Variants in GNPTAB observed in about 807,000 individuals in gnomAD.
The protein encoded by GNPTAB is N-acetylglucosamine-1-phosphotransferase subunits alpha/beta.
In GNPTAB, 92 loss-of-function variants were observed where a neutral mutation model predicts 136.6. The ratio of observed to expected loss-of-function variants is 0.67; its 90% CI spans 0.57 to 0.80. GNPTAB has a LOEUF of 0.80. GNPTAB is among the 30% of genes least tolerant of loss of function. The pLI, the probability that GNPTAB is intolerant of heterozygous loss-of-function variation, is 0.00. For synonymous variants in GNPTAB, 512 were observed against 535.1 expected (o/e 0.96, Z 0.60); for missense variants, 1,343 against 1,501.8 (o/e 0.89, Z 1.75).
intron 10 of GNPTAB, 38 bp downstream of exon 10, chr12:101,769,983 T>C (rs920923807): frequency 1.3e-6 from 2 of 1,596,564 alleles, no homozygotes; most frequent in African/African-American, 2.7e-5. Context: ...GCTAAGTGAC[T>C]TCCACGCTAG....
intron 15 of GNPTAB, among the ~76,000 whole-genome samples, chr12:101,760,739 G>A (rs369262994): frequency 4.6e-5 from 7 of 151,142 alleles, no homozygotes; most frequent in Non-Finnish European, 8.8e-5. Flanking sequence ...ATTAAAATAC[G>A]TAGGGGAAAA....
chr12:101,797,092 G>C (rs1041428691), intron 1 of GNPTAB, among the ~76,000 whole-genome samples: 1 of 152,214 alleles, frequency 6.6e-6, no homozygotes, highest in Non-Finnish European at 1.5e-5. Context: ...CCAGTTGGAA[G>C]AGCATGCTTG....
chr12:101,811,591 C>T (rs938160824), intron 1 of GNPTAB, among the ~76,000 whole-genome samples: 6 of 150,600 alleles, frequency 4.0e-5, no homozygotes, highest in Non-Finnish European at 7.4e-5. Flanking sequence ...CATCCTCTTA[C>T]GTGGCCGGAG....
Position 101,757,586 on chromosome 12 carries a change from G to T in GNPTAB, c.3321C>A (p.Asp1107Glu). ...GTACTACTTACCTATATTTGTTTTTGTCCTTATATGCTTTGTGGATTTTGT... is the reference window on the plus strand; with the variant it reads ...GTACTACTTACCTATATTTGTTTTTTTCCTTATATGCTTTGTGGATTTTGT... Reference protein sequence around the residue: ...VTDKIHKAYKDKNKYRFEIMG... With the variant: ...VTDKIHKAYKEKNKYRFEIMG... Residue 1107 changes from aspartate to glutamate, a missense_variant, in exon 17 of 21, where the codon GAC (aspartate) becomes GAA (glutamate). Transcript: ENST00000299314. 1.3e-6 allele frequency: 2 copies of T among 1,527,424 alleles called. No individual in the cohort carries two copies. Among genetic ancestry groups the T allele is most frequent in the Non-Finnish European group, 1.8e-6 (2 of 1,101,358 alleles). The allele number at this position is 1,527,424 out of a possible 1,614,324, so 94.6% of individuals were successfully genotyped here. A position where few individuals can be genotyped will look rare whatever the true frequency, so the allele number is the denominator to read the frequency against.
At position 101,783,991 on chromosome 12, in the gene GNPTAB, T is replaced by C. The variant is rs576966416; in HGVS notation, c.571+2021A>G. 2.6e-5 allele frequency among the ~76,000 whole-genome samples: 4 copies of C among 152,248 alleles called. No homozygotes were observed. The East Asian group carries it at 7.7e-4, about 29-fold the overall frequency. On this transcript the variant is annotated intron_variant, in intron 5 of 20. Coordinates refer to ENST00000299314, the MANE Select transcript of GNPTAB (RefSeq NM_024312.5). ...CCTTGGCCTCCCAAAGTGCTGGGAT[T>C]ATAGGCGTGAGCCACCACACCCAAC...
chr12:101,805,243 G>C (rs1356264752), intron 1 of GNPTAB, among the ~76,000 whole-genome samples: 2 of 152,108 alleles, frequency 1.3e-5, no homozygotes, highest in Non-Finnish European at 2.9e-5. Context: ...CACAATATCT[G>C]TTTGTGAAAC....
intron 18 of GNPTAB, among the ~76,000 whole-genome samples, chr12:101,754,064 G>A (rs942489138): frequency 1.3e-4 from 20 of 151,870 alleles, no homozygotes; most frequent in Non-Finnish European, 1.2e-4. Context: ...TAGGAGAATC[G>A]CTTGAACCTG....
At chr12:101,811,638 CTTTTTT>C (rs34690912) in intron 1 of GNPTAB, among the ~76,000 whole-genome samples, 1 of 134,762 alleles carries the variant, frequency 7.4e-6, no homozygotes, top group Non-Finnish European at 1.6e-5. Context: ...GTGCTACACA[CTTTTTT>C]TTTTTTTTTT....
In GNPTAB at chr12:101,822,289, T is replaced by C. The variant is rs577587983; in HGVS notation, c.117+8270A>G. 1.9e-3 allele frequency among the ~76,000 whole-genome samples: 284 copies of C among 152,248 alleles called. 2 individuals are homozygous for C. The highest frequency in any genetic ancestry group is 6.5e-3 in the African/African-American group (272 of 41,552). ...TTAGCCGGGTGAGGTGGCGGGAGCC[T>C]GTAGTCCCAGCTACTCGGGAGGCTG... On this transcript the variant is annotated intron_variant, in intron 1 of 20. Transcript: ENST00000299314.
chr12:101,813,706 T>C (rs1033932501), intron 1 of GNPTAB, among the ~76,000 whole-genome samples: 1 of 152,148 alleles, frequency 6.6e-6, no homozygotes, highest in African/African-American at 2.4e-5. Context: ...CCTCTAAAAA[T>C]TATTGAGGAC....
rs538205710 is a variant in GNPTAB, at chr12:101,746,193, A to C, written c.*971T>G. On this transcript the variant is annotated 3_prime_UTR_variant, in exon 21 of 21. Transcript: ENST00000299314. Reference sequence around the variant, plus strand: ...TTTGAAAAAAAACAAACTAAACAACAGCAAGAAGAATGTATGACAAAGACA... The same window carrying C: ...TTTGAAAAAAAACAAACTAAACAACCGCAAGAAGAATGTATGACAAAGACA... 1.3e-5 allele frequency: 2 copies of C among 152,390 alleles called. No homozygotes were observed. The highest frequency in any genetic ancestry group is 1.3e-4 in the Admixed American group (2 of 15,310). 9.4% of individuals were successfully genotyped at this position (152,390 alleles called of 1,614,324 possible). A position where few individuals can be genotyped will look rare whatever the true frequency, so the allele number is the denominator to read the frequency against.
intron 7 of GNPTAB, among the ~76,000 whole-genome samples, chr12:101,775,393 C>T (rs914250585): frequency 1.4e-5 from 2 of 146,342 alleles, no homozygotes; most frequent in African/African-American, 2.6e-5. Flanking sequence ...CGGAGTCTCA[C>T]TCTGTCGCCA....
At chr12:101,755,839 T>G (rs893751911) in intron 18 of GNPTAB, among the ~76,000 whole-genome samples, 1 of 152,260 alleles carries the variant, frequency 6.6e-6, no homozygotes, top group African/African-American at 2.4e-5. Flanking sequence ...GCTTGCCATG[T>G]GTCTTTTTAC....
intron 1 of GNPTAB, among the ~76,000 whole-genome samples, chr12:101,805,763 T>C (rs1234738222): frequency 6.6e-6 from 1 of 152,162 alleles, no homozygotes; most frequent in Non-Finnish European, 1.5e-5. Context: ...CAATTGGCAG[T>C]GTGTACCAAA....
intron 20 of GNPTAB, among the ~76,000 whole-genome samples, chr12:101,747,748 T>C (rs1270575054): frequency 1.0e-5 from 1 of 100,408 alleles, no homozygotes; most frequent in Non-Finnish European, 2.0e-5. Flanking sequence ...AGAGGCAGCA[T>C]TGGCTGCTTT....
chr12:101,829,282 T>C (rs559667494), intron 1 of GNPTAB, among the ~76,000 whole-genome samples: 9 of 152,192 alleles, frequency 5.9e-5, no homozygotes, highest in Admixed American at 2.0e-4. Context: ...GTCAGAAGTT[T>C]GAGACCAGCC....
At chr12:101,787,728 A>T (rs1868740608) in intron 4 of GNPTAB, among the ~76,000 whole-genome samples, 1 of 152,112 alleles carries the variant, frequency 6.6e-6, no homozygotes, top group African/African-American at 2.4e-5. Context: ...AGCCTGATCA[A>T]CATGGAGAAA....
At chr12:101,811,316 G>A (rs1870219592) in intron 1 of GNPTAB, among the ~76,000 whole-genome samples, 1 of 152,038 alleles carries the variant, frequency 6.6e-6, no homozygotes, top group South Asian at 2.1e-4. Flanking sequence ...GTAAATAAAT[G>A]GACATGGCTG....
intron 7 of GNPTAB, among the ~76,000 whole-genome samples, chr12:101,772,599 TACTC>T (rs1953193598): frequency 2.0e-5 from 3 of 152,176 alleles, no homozygotes; most frequent in African/African-American, 2.4e-5. Flanking sequence ...ACATATTTAG[TACTC>T]ACTAAGTTGG....
Sources: gnomAD v4.1 joint callset for allele counts (sites outside exome capture counted in the v4.1 genomes callset) on GRCh38, gnomAD v4.1.1 for gene constraint, MANE v1.5 for transcripts, NCBI Gene and HGNC (gene_info 2026-07-23, HGNC 2026-07-21) for gene names.